CCNI: variants seen among roughly 807,000 people sequenced by gnomAD.
The protein encoded by CCNI is cyclin I.
Under a neutral mutation model 34.1 loss-of-function variants are expected in CCNI, and 14 were observed. The observed-to-expected ratio is 0.41, with a 90% CI of 0.27 to 0.64. The LOEUF is 0.64. Ranked by LOEUF, CCNI falls within the 30% of genes least tolerant of loss-of-function variation. The pLI, the probability that CCNI is intolerant of heterozygous loss-of-function variation, is 0.31. For missense variants in CCNI, 385 were observed against 440.5 expected (o/e 0.87, Z 1.13); for synonymous variants, 154 against 158.4 (o/e 0.97, Z 0.21).
At chr4:77,074,325 T>G (rs1231812874) in intron 1 of CCNI, among the ~76,000 whole-genome samples, 1 of 152,240 alleles carries the variant, frequency 6.6e-6, no homozygotes, top group African/African-American at 2.4e-5. Context: ...CTCTCGGAGA[T>G]TCTCTGGTCC....
chr4:77,048,237 C>T lies in CCNI; in HGVS notation c.1116G>A (p.Gln372=), dbSNP rs768469783. The part of the protein sequence containing the change: ...EGHASPCPPL[Q]PVSVM ...GTTGAAACTACATGACAGAAACAGGCTGCAAAGGTGGACAAGGGGAAGCAT... is the reference window on the plus strand; with the variant it reads ...GTTGAAACTACATGACAGAAACAGGTTGCAAAGGTGGACAAGGGGAAGCAT... Residue 372 remains glutamine, a synonymous_variant, in exon 7 of 7, where the codon CAG becomes CAA. Coordinates refer to ENST00000237654, the MANE Select transcript of CCNI (RefSeq NM_006835.3). 6.2e-7 allele frequency: 1 copy of T among 1,613,594 alleles called. No homozygotes were observed. Among genetic ancestry groups the T allele is most frequent in the South Asian group, 1.1e-5 (1 of 91,038 alleles).
chr4:77,059,874 C>T (rs896258719), intron 2 of CCNI, among the ~76,000 whole-genome samples: 4 of 152,090 alleles, frequency 2.6e-5, no homozygotes, highest in African/African-American at 9.7e-5. Flanking sequence ...TCAAGATGAG[C>T]TTTTATCCAA....
At chr4:77,057,940 G>A (rs1045468675) in intron 3 of CCNI, among the ~76,000 whole-genome samples, 1 of 152,100 alleles carries the variant, frequency 6.6e-6, no homozygotes, top group African/African-American at 2.4e-5. Context: ...GATGCTATAC[G>A]GTTTGTGCTA....
chr4:77,048,962 G>GTTTTTTTTTTTTTT (rs538284505), intron 6 of CCNI, among the ~76,000 whole-genome samples: 4 of 47,648 alleles, frequency 8.4e-5, no homozygotes, highest in Admixed American at 2.9e-4. Context: ...TCCAACGTCT[G>GTTTTTTTTTTTTTT]TTTTTTTTTT....
intron 1 of CCNI, among the ~76,000 whole-genome samples, chr4:77,072,993 G>A (rs879481677): frequency 3.9e-5 from 6 of 152,106 alleles, no homozygotes; most frequent in African/African-American, 9.7e-5. Context: ...TATTTTCTAC[G>A]GGTAAAGCAC....
intron 2 of CCNI, among the ~76,000 whole-genome samples, chr4:77,059,102 T>C (rs1255609302): frequency 6.6e-6 from 1 of 151,922 alleles, no homozygotes; most frequent in Non-Finnish European, 1.5e-5. Context: ...CTAAAATCAA[T>C]AGTAATAAGT....
intron 1 of CCNI, among the ~76,000 whole-genome samples, chr4:77,069,323 T>C (rs1226179737): frequency 6.6e-6 from 1 of 152,046 alleles, no homozygotes; most frequent in Non-Finnish European, 1.5e-5. Context: ...AGGCTGAGGT[T>C]GCAGTGAGCC....
At chr4:77,049,238 TAA>T (rs1727676943) in intron 6 of CCNI, among the ~76,000 whole-genome samples, 1 of 152,182 alleles carries the variant, frequency 6.6e-6, no homozygotes, top group African/African-American at 2.4e-5. Flanking sequence ...ATGTTTTTGG[TAA>T]AGTTTTTAAT....
intron 3 of CCNI, 56 bp from the exon 4 acceptor site, chr4:77,056,379 CT>C (rs779890239): frequency 1.5e-6 from 2 of 1,302,326 alleles, no homozygotes; most frequent in South Asian, 1.2e-5. Flanking sequence ...AACAATTTAA[CT>C]TTTTGTAACT....
At chr4:77,067,314 A>T (rs1307534104) in intron 1 of CCNI, among the ~76,000 whole-genome samples, 1 of 152,158 alleles carries the variant, frequency 6.6e-6, no homozygotes, top group African/African-American at 2.4e-5. Context: ...GCTAGTGGAT[A>T]CTATATCGGA....
chr4:77,065,887 C>T (rs1374980448), intron 2 of CCNI, among the ~76,000 whole-genome samples: 1 of 152,184 alleles, frequency 6.6e-6, no homozygotes, highest in Non-Finnish European at 1.5e-5. Flanking sequence ...ACTGCTTGAG[C>T]TCAGGACTTC....
At chr4:77,052,007 G>A (rs1727884675) in intron 6 of CCNI, among the ~76,000 whole-genome samples, 3 of 151,430 alleles carry the variant, frequency 2.0e-5, no homozygotes, top group Admixed American at 6.6e-5. Context: ...ACATGTGCAG[G>A]TTTATTAACT....
At chr4:77,066,007 G>A (rs1000564268) in intron 2 of CCNI, among the ~76,000 whole-genome samples, 7 of 152,172 alleles carry the variant, frequency 4.6e-5, no homozygotes, top group African/African-American at 1.7e-4. Context: ...AGGCTGAGGT[G>A]AGAGGATTGC....
chr4:77,056,107 C>T lies in CCNI; in HGVS notation c.319-5G>A, dbSNP rs2109803181. ...TACCTTTAGTACTGGAATTCTCTAT[C>T]CAAAGCAAAGGGGAACAGGGACAGG... On this transcript the variant is annotated splice_polypyrimidine_tract_variant and splice_region_variant and intron_variant, in intron 4 of 6. Transcript: ENST00000237654. 7 of 1,612,660 alleles carry T rather than the reference C, an allele frequency of 4.3e-6. No individual in the cohort carries two copies. The highest frequency in any genetic ancestry group is 2.2e-5 in the East Asian group (1 of 44,828).
At chr4:77,055,885 G>T in intron 5 of CCNI, 77 bp downstream of exon 5, 1 of 1,197,174 alleles carries the variant, frequency 8.4e-7, no homozygotes, top group South Asian at 1.5e-5. Context: ...CAAAATAAAT[G>T]AGTAGGCAAT....
At chr4:77,051,125 C>T (rs1727796868) in intron 6 of CCNI, among the ~76,000 whole-genome samples, 1 of 152,092 alleles carries the variant, frequency 6.6e-6, no homozygotes, top group Non-Finnish European at 1.5e-5. Context: ...CAATGTAGTA[C>T]TCAGCATGCC....
At chr4:77,066,075 TG>T in intron 2 of CCNI, 173 bp downstream of exon 2, 1 of 571,822 alleles carries the variant, frequency 1.7e-6, no homozygotes, top group Non-Finnish European at 3.1e-6. Context: ...CACTCCAGAC[TG>T]GATGACAGAG....
intron 2 of CCNI, among the ~76,000 whole-genome samples, chr4:77,060,144 C>T (rs568904748): frequency 6.6e-6 from 1 of 151,502 alleles, no homozygotes; most frequent in African/African-American, 2.4e-5. Flanking sequence ...AATAATGTCA[C>T]TATTTGGTGT....
At chr4:77,054,993 C>CCTAGCCCGTA (rs1728109211) in intron 6 of CCNI, among the ~76,000 whole-genome samples, 157 bp downstream of exon 6, 1 of 152,144 alleles carries the variant, frequency 6.6e-6, no homozygotes, top group Non-Finnish European at 1.5e-5. Context: ...AAAGAGATCA[C>CCTAGCCCGTA]CTAGCCCGTA....
Sources: allele counts gnomAD v4.1 joint callset (sites outside exome capture counted in the v4.1 genomes callset), GRCh38; gene constraint gnomAD v4.1.1; transcripts MANE v1.5; gene names NCBI Gene and HGNC (gene_info 2026-07-23, HGNC 2026-07-21).